ALK: variants seen among roughly 807,000 people sequenced by gnomAD.
ALK encodes the protein ALK tyrosine kinase receptor.
In ALK, 74 loss-of-function variants were observed where a neutral mutation model predicts 163.1. The observed-to-expected ratio is 0.45, with a 90% CI of 0.38 to 0.55. The LOEUF (loss-of-function observed/expected upper bound fraction) is 0.55, where lower values mean the gene tolerates loss of function less well. Ranked by LOEUF, ALK falls within the 20% of genes least tolerant of loss-of-function variation. The probability of loss-of-function intolerance (pLI) is 0.00; values close to 1 mark genes in which losing one functional copy is unlikely to be tolerated. For synonymous variants in ALK, 960 were observed against 843.2 expected (o/e 1.14, Z -2.40); for missense variants, 2,063 against 2,105.3 (o/e 0.98, Z 0.39).
At chr2:29,320,406 A>C (rs936433307) in intron 7 of ALK, among the ~76,000 whole-genome samples, 1 of 152,192 alleles carries the variant, frequency 6.6e-6, no homozygotes, top group Non-Finnish European at 1.5e-5. Flanking sequence ...AAAGAGGGCT[A>C]TGGCTTTCCC....
chr2:29,356,149 G>A (rs1668240498), intron 5 of ALK, among the ~76,000 whole-genome samples: 1 of 152,106 alleles, frequency 6.6e-6, no homozygotes, highest in African/African-American at 2.4e-5. Context: ...ATGCAGCCTG[G>A]GCCCTTCTGA....
At position 29,233,794 on chromosome 2, in the gene ALK, C is replaced by G. The variant is rs1321947669; in HGVS notation, c.2356-98G>C. Reference sequence around the variant, plus strand: ...ATGCTTAAAAACAGGATCTGACTCTCTCTCAAAAAACTTACAGTTGAGTTG... The same window carrying G: ...ATGCTTAAAAACAGGATCTGACTCTGTCTCAAAAAACTTACAGTTGAGTTG... On this transcript the variant is annotated intron_variant, in intron 13 of 28. Transcript: ENST00000389048. The G allele has an allele frequency of 1.2e-5, 18 of 1,544,066 alleles. No homozygotes were observed. In the Admixed American group the frequency reaches 3.0e-4, roughly 26 times the overall value.
chr2:29,697,560 T>C (rs574756547), intron 2 of ALK, among the ~76,000 whole-genome samples: 30 of 152,296 alleles, frequency 2.0e-4, no homozygotes, highest in South Asian at 1.9e-3. Flanking sequence ...GGCTTATGGA[T>C]TAACAGAAGA....
intron 1 of ALK, among the ~76,000 whole-genome samples, chr2:29,728,741 G>A (rs548396645): frequency 2.6e-4 from 40 of 152,248 alleles, no homozygotes; most frequent in African/African-American, 8.2e-4. Context: ...CTCTCAGAAC[G>A]GAGCGCCAGC....
intron 4 of ALK, among the ~76,000 whole-genome samples, chr2:29,484,805 C>T (rs772287757): frequency 1.3e-5 from 2 of 152,160 alleles, no homozygotes; most frequent in African/African-American, 4.8e-5. Context: ...CTTTAAATGA[C>T]TGCAAAATTC....
At chr2:29,829,593 C>A (rs1474122212) in intron 1 of ALK, among the ~76,000 whole-genome samples, 1 of 152,178 alleles carries the variant, frequency 6.6e-6, no homozygotes, top group Non-Finnish European at 1.5e-5. Context: ...TAGAATCAGA[C>A]TATAGGTCTG....
At chr2:29,741,374 C>T (rs1187135150) in intron 1 of ALK, among the ~76,000 whole-genome samples, 4 of 152,108 alleles carry the variant, frequency 2.6e-5, no homozygotes, top group East Asian at 1.9e-4. Context: ...TATACCAAAC[C>T]GGTGTGAATG....
chr2:29,386,076 A>G (rs1669024991), intron 4 of ALK, among the ~76,000 whole-genome samples: 1 of 152,316 alleles, frequency 6.6e-6, no homozygotes, highest in Middle Eastern at 3.4e-3. Context: ...ATCGCCTAAG[A>G]CCATCCACCA....
At position 29,822,194 on chromosome 2, in the gene ALK, G is replaced by A. The variant is rs1042371705; in HGVS notation, c.667+97799C>T. On this transcript the variant is annotated intron_variant, in intron 1 of 28. Transcript: ENST00000389048. ...GGGAGGAGTCAAAGGACTGAATGGC[G>A]AATAATCCAAGGCCTCATCCCTGCC... 4.6e-5 allele frequency among the ~76,000 whole-genome samples: 7 copies of A among 152,188 alleles called. No individual in the cohort carries two copies. In the East Asian group the frequency reaches 5.8e-4, roughly 13 times the overall value.
Position 29,431,366 on chromosome 2 carries a change from G to A in ALK, c.1155-47507C>T, listed in dbSNP as rs1280397986. Among the ~76,000 whole-genome samples the A allele has an allele frequency of 2.4e-4, 36 of 152,174 alleles. 2 individuals carry two copies. On this transcript the variant is annotated intron_variant, in intron 4 of 28. Transcript: ENST00000389048. ...CAAGACAGAACATTCAGGCTAATGGGTTAAGGAGGAGATGGGAATCAATCC... is the reference window on the plus strand; with the variant it reads ...CAAGACAGAACATTCAGGCTAATGGATTAAGGAGGAGATGGGAATCAATCC...
At chr2:29,764,073 A>G (rs1680790670) in intron 1 of ALK, among the ~76,000 whole-genome samples, 1 of 152,306 alleles carries the variant, frequency 6.6e-6, no homozygotes, top group Non-Finnish European at 1.5e-5. Context: ...ACCCAGAACC[A>G]GAATCCAGAT....
chr2:29,392,981 TTCAAGGTCACTGAATGC>T (rs146343906), intron 4 of ALK, among the ~76,000 whole-genome samples: 15 of 151,846 alleles, frequency 9.9e-5, no homozygotes, highest in Non-Finnish European at 1.5e-4. Flanking sequence ...TCACTCAAAG[TTCAAGGTCACTGAATGC>T]TCAAGGTCAC....
At chr2:29,851,100 G>T (rs2148400879) in intron 1 of ALK, among the ~76,000 whole-genome samples, 1 of 152,322 alleles carries the variant, frequency 6.6e-6, no homozygotes, top group Middle Eastern at 3.4e-3. Context: ...TTCCCCAATA[G>T]TTGCATTGTG....
chr2:29,812,430 G>A (rs1396881328), intron 1 of ALK, among the ~76,000 whole-genome samples: 2 of 152,084 alleles, frequency 1.3e-5, no homozygotes, highest in Non-Finnish European at 2.9e-5. Flanking sequence ...TAGGTCTCGG[G>A]GCACTGGGTG....
At chr2:29,721,091 G>T (rs975442850) in intron 1 of ALK, among the ~76,000 whole-genome samples, 1 of 152,118 alleles carries the variant, frequency 6.6e-6, no homozygotes, top group Non-Finnish European at 1.5e-5. Context: ...TGGACTGAAG[G>T]CATTATTGAT....
chr2:29,300,760 C>T (rs1205091115), intron 8 of ALK, among the ~76,000 whole-genome samples: 1 of 152,068 alleles, frequency 6.6e-6, no homozygotes, highest in Non-Finnish European at 1.5e-5. Flanking sequence ...TTCTTGCTCC[C>T]CTGAAATCCT....
At chr2:29,903,397 T>C (rs1005270493) in intron 1 of ALK, among the ~76,000 whole-genome samples, 3 of 152,196 alleles carry the variant, frequency 2.0e-5, no homozygotes, top group Non-Finnish European at 2.9e-5. Flanking sequence ...CCTTCACTGA[T>C]TCAGCAAATA....
At chr2:29,199,005 G>C (rs1054902118) in intron 26 of ALK, among the ~76,000 whole-genome samples, 3 of 150,948 alleles carry the variant, frequency 2.0e-5, no homozygotes, top group African/African-American at 7.3e-5. Context: ...TCAGGCTGGA[G>C]TGCAGTGGTG....
chr2:29,519,935 T>C (rs1672768966), intron 4 of ALK, among the ~76,000 whole-genome samples: 1 of 152,172 alleles, frequency 6.6e-6, no homozygotes, highest in African/African-American at 2.4e-5. Flanking sequence ...TCATCTTAGA[T>C]TATCTGAAAA....
Sources: gnomAD v4.1 joint callset for allele counts (sites outside exome capture counted in the v4.1 genomes callset) on GRCh38, gnomAD v4.1.1 for gene constraint, MANE v1.5 for transcripts, NCBI Gene and HGNC (gene_info 2026-07-23, HGNC 2026-07-21) for gene names.